The following SMO variants were observed in gnomAD, a reference collection of about 807,000 sequenced individuals.
SMO encodes smoothened, frizzled class receptor.
A neutral mutation model predicts 81.6 loss-of-function variants in SMO; 40 were observed. That is an observed-to-expected ratio of 0.49 (90% CI 0.38 to 0.64). The LOEUF (loss-of-function observed/expected upper bound fraction) is 0.64, where lower values mean the gene tolerates loss of function less well. SMO is among the 30% of genes least tolerant of loss of function. SMO has a pLI of 0.00. For synonymous variants in SMO, 434 were observed against 432.1 expected (o/e 1.00, Z -0.05); for missense variants, 916 against 1,061.1 (o/e 0.86, Z 1.90).
At position 129,203,611 on chromosome 7, in the gene SMO, G is replaced by T; in HGVS notation, c.537+22G>T. 3 of 1,579,088 alleles carry T rather than the reference G, an allele frequency of 1.9e-6. No individual in the cohort carries two copies. The East Asian group carries it at 6.8e-5, about 36-fold the overall frequency. ...CACGGTGAGTGCTCTGTGAGACAAG[G>T]TCCAGGCTCTCTGGGTTGGGCAGGA... On this transcript the variant is annotated intron_variant, in intron 2 of 11. Coordinates refer to ENST00000249373, the MANE Select transcript of SMO (RefSeq NM_005631.5).
chr7:129,201,513 A>G (rs1040759824), intron 1 of SMO, among the ~76,000 whole-genome samples: 1 of 152,136 alleles, frequency 6.6e-6, no homozygotes, highest in Non-Finnish European at 1.5e-5. Context: ...ACCAGCCACC[A>G]CATTGAATTC....
Position 129,213,435 on chromosome 7 carries a change from A to G in SMO, c.*984A>G, listed in dbSNP as rs1793913076. 4.3e-6 allele frequency: 1 copy of G among 232,896 alleles called. No individual in the cohort carries two copies. The highest frequency in any genetic ancestry group is 8.5e-6 in the Non-Finnish European group (1 of 117,690). The allele number at this position is 232,896 out of a possible 1,614,324, so 14.4% of individuals were successfully genotyped here. Reference sequence around the variant, plus strand: ...TTCCCACCTTCCATAGCCTCCAAACATGTTCCCAAGGCCCCACTTTCAAGA... The same window carrying G: ...TTCCCACCTTCCATAGCCTCCAAACGTGTTCCCAAGGCCCCACTTTCAAGA... On this transcript the variant is annotated 3_prime_UTR_variant, in exon 12 of 12. Coordinates refer to ENST00000249373, the MANE Select transcript of SMO (RefSeq NM_005631.5).
rs190378429 is a variant in SMO at position 129,210,183 on chromosome 7, G to C, written c.1467-180G>C. ...CCAGTAGACTCAGAAAACCCCACCTGTAGTCCCAGCTACTTGGGAGGCTGA... is the reference window on the plus strand; with the variant it reads ...CCAGTAGACTCAGAAAACCCCACCTCTAGTCCCAGCTACTTGGGAGGCTGA... On this transcript the variant is annotated intron_variant, in intron 8 of 11. Transcript: ENST00000249373. This position sits in a 1 kb window ranked among gnomAD's most constrained non-coding sequence, Gnocchi z 4.7. 3.5e-6 allele frequency: 2 copies of C among 574,960 alleles called. No individual in the cohort carries two copies. Among genetic ancestry groups the C allele is most frequent in the East Asian group, 2.9e-5 (1 of 34,116 alleles). 35.6% of individuals were successfully genotyped at this position (574,960 alleles called of 1,614,324 possible). A position where few individuals can be genotyped will look rare whatever the true frequency, so the allele number is the denominator to read the frequency against.
rs1793773206 is a variant in SMO, at chr7:129,206,765, C to T, written c.1264+178C>T. On this transcript the variant is annotated intron_variant, in intron 6 of 11. Coordinates refer to ENST00000249373, the MANE Select transcript of SMO (RefSeq NM_005631.5). This position sits in a 1 kb window ranked among gnomAD's most constrained non-coding sequence, Gnocchi z 4.4. ...GACGAAACACCGTGAGCACTTGCTG[C>T]GGGACAGCACCTTTGTACTGGCCAG... 1.3e-5 allele frequency among the ~76,000 whole-genome samples: 2 copies of T among 152,202 alleles called. No homozygotes were observed. The highest frequency in any genetic ancestry group is 1.3e-4 in the Admixed American group (2 of 15,276).
Position 129,211,239 on chromosome 7 carries a change from C to A in SMO, c.1801+126C>A. The A allele has an allele frequency of 9.9e-7, 1 of 1,005,490 alleles. No homozygotes were observed. The highest frequency in any genetic ancestry group is 1.5e-6 in the Non-Finnish European group (1 of 665,222). 62.3% of individuals were successfully genotyped at this position (1,005,490 alleles called of 1,614,324 possible). A position where few individuals can be genotyped will look rare whatever the true frequency, so the allele number is the denominator to read the frequency against. On this transcript the variant is annotated intron_variant, in intron 10 of 11. Transcript: ENST00000249373. The surrounding 1 kb of genome is among the most constrained non-coding windows in gnomAD (Gnocchi z 4.6). ...GACTGTGAGGAGCAAGGCGCTCCCT[C>A]CATCGCTCACACACCCATTCTTCCC...
intron 1 of SMO, among the ~76,000 whole-genome samples, chr7:129,198,048 A>G (rs1035775103): frequency 6.6e-6 from 1 of 152,124 alleles, no homozygotes; most frequent in Non-Finnish European, 1.5e-5. Flanking sequence ...TCTCTTTGGA[A>G]AGCTTCCCCA....
rs180929879 is a variant in SMO, at chr7:129,195,929, A to G, written c.331+6447A>G. Among the ~76,000 whole-genome samples the G allele has an allele frequency of 1.5e-3, 231 of 151,996 alleles. 4 individuals carry two copies. The East Asian group carries it at 0.031, about 21-fold the overall frequency. The stretch of plus-strand genomic sequence containing the variant: ...ATCCTGGCTAACACGGTGAAACCCC[A>G]TCTCTACTAAAAATACAAAAAATTA... On this transcript the variant is annotated intron_variant, in intron 1 of 11. Transcript: ENST00000249373.
At position 129,209,464 on chromosome 7, in the gene SMO, C is replaced by T. The variant is rs547532282; in HGVS notation, c.1466+67C>T. ...CCAAGGCCATAAAGACACCCACCTC[C>T]ACCCACCGGGCAGCAGGGATTTGCC... On this transcript the variant is annotated intron_variant, in intron 8 of 11. Coordinates refer to ENST00000249373, the MANE Select transcript of SMO (RefSeq NM_005631.5). 1.4e-4 allele frequency: 144 copies of T among 1,007,422 alleles called. 2 individuals are homozygous for T. The highest frequency in any genetic ancestry group is 1.8e-4 in the Non-Finnish European group (114 of 640,710). The allele number at this position is 1,007,422 out of a possible 1,614,324, so 62.4% of individuals were successfully genotyped here.
Position 129,212,582 on chromosome 7 carries a change from G to C in SMO, c.*131G>C, listed in dbSNP as rs1793895715. 2.6e-5 allele frequency: 22 copies of C among 833,404 alleles called. No individual in the cohort carries two copies. The highest frequency in any genetic ancestry group is 3.7e-5 in the Non-Finnish European group (20 of 542,586). 51.6% of individuals were successfully genotyped at this position (833,404 alleles called of 1,614,324 possible). On this transcript the variant is annotated 3_prime_UTR_variant, in exon 12 of 12. Coordinates refer to ENST00000249373, the MANE Select transcript of SMO (RefSeq NM_005631.5). This position sits in a 1 kb window ranked among gnomAD's most constrained non-coding sequence, Gnocchi z 5.0. ...GTGGGCTGACTGCCCTCCGAAGAGA[G>C]TTCTGGATGTCTGGCTCAAAGCAGC...
chr7:129,197,403 T>G (rs995259976), intron 1 of SMO, among the ~76,000 whole-genome samples: 3 of 152,226 alleles, frequency 2.0e-5, no homozygotes, highest in African/African-American at 7.2e-5. Flanking sequence ...CCAATTATTC[T>G]TTTGATCATA....
At chr7:129,197,498 G>C (rs1793603760) in intron 1 of SMO, among the ~76,000 whole-genome samples, 1 of 152,112 alleles carries the variant, frequency 6.6e-6, no homozygotes. Flanking sequence ...TGCGATCTCA[G>C]CTCACTGCAA....
rs554995017 is a variant in SMO, at chr7:129,191,601, G to T, written c.331+2119G>T. 3.3e-5 allele frequency among the ~76,000 whole-genome samples: 5 copies of T among 152,248 alleles called. No homozygotes were observed. In the South Asian group the frequency reaches 1.0e-3, roughly 32 times the overall value. Reference sequence around the variant, plus strand: ...AGTAGGTAGAGTGAACCCAAGCCTCGTGTGAGAATCACAGCCAGGTCAGCT... The same window carrying T: ...AGTAGGTAGAGTGAACCCAAGCCTCTTGTGAGAATCACAGCCAGGTCAGCT... On this transcript the variant is annotated intron_variant, in intron 1 of 11. Coordinates refer to ENST00000249373, the MANE Select transcript of SMO (RefSeq NM_005631.5).
chr7:129,203,676 C>T, intron 2 of SMO, 87 bp downstream of exon 2: 1 of 1,070,566 alleles, frequency 9.3e-7, no homozygotes, highest in East Asian at 2.6e-5. Context: ...CAGGGGAGCC[C>T]AGAGCTTTGT....
Position 129,209,344 on chromosome 7 carries a change from C to T in SMO, c.1413C>T (p.Phe471=), listed in dbSNP as rs761197793. ...GFVLITFSCH[F]YDFFNQAEWE... ...TGCTCATTACCTTCAGCTGCCACTT[C>T]TACGACTTCTTCAACCAGGCTGAGT... Residue 471 remains phenylalanine (F), a synonymous_variant, in exon 8 of 12, where the codon TTC becomes TTT. Coordinates refer to ENST00000249373, the MANE Select transcript of SMO (RefSeq NM_005631.5). 5.6e-6 allele frequency: 9 copies of T among 1,614,176 alleles called. No individual in the cohort carries two copies. The East Asian group carries it at 2.0e-4, about 36-fold the overall frequency.
Position 129,210,324 on chromosome 7 carries a change from G to A in SMO, c.1467-39G>A, listed in dbSNP as rs41274164. 6.4e-7 allele frequency: 1 copy of A among 1,554,948 alleles called. No individual in the cohort carries two copies. The highest frequency in any genetic ancestry group is 8.9e-7 in the Non-Finnish European group (1 of 1,127,816). On this transcript the variant is annotated intron_variant, in intron 8 of 11. Transcript: ENST00000249373. This position sits in a 1 kb window ranked among gnomAD's most constrained non-coding sequence, Gnocchi z 4.7. Reference sequence around the variant, plus strand: ...TATCTCAAAAAAAGAGAGAGGAAAAGAAAGGAAAGCCTCACCTGTCTACGT... The same window carrying A: ...TATCTCAAAAAAAGAGAGAGGAAAAAAAAGGAAAGCCTCACCTGTCTACGT...
At position 129,199,182 on chromosome 7, in the gene SMO, C is replaced by CTTTTTTCT. The variant is rs770285673; in HGVS notation, c.332-4196_332-4195insCTTTTTTT. On this transcript the variant is annotated intron_variant, in intron 1 of 11. Transcript: ENST00000249373. ...TCTTTATAGTACGGTATTTTCTTTT[C>CTTTTTTCT]TTTTTTTTTTTTTTTTTGAGATAGA... Among the ~76,000 whole-genome samples, 427 of 126,626 alleles carry CTTTTTTCT rather than the reference C, an allele frequency of 3.4e-3. 4 individuals are homozygous for CTTTTTTCT. Among genetic ancestry groups the CTTTTTTCT allele is most frequent in the African/African-American group, 0.012 (402 of 34,006 alleles). 83.1% of individuals were successfully genotyped at this position (126,626 alleles called of 152,430 possible). A position where few individuals can be genotyped will look rare whatever the true frequency, so the allele number is the denominator to read the frequency against.
rs1472793501 is a variant in SMO, at chr7:129,210,570, TCCTGC to T, written c.1652+30_1652+34del. 2 of 1,587,038 alleles carry T rather than the reference TCCTGC, an allele frequency of 1.3e-6. No individual in the cohort carries two copies. Among genetic ancestry groups the T allele is most frequent in the East Asian group, 2.2e-5 (1 of 44,720 alleles). On this transcript the variant is annotated intron_variant, in intron 9 of 11. Transcript: ENST00000249373. This position sits in a 1 kb window ranked among gnomAD's most constrained non-coding sequence, Gnocchi z 4.7. The stretch of plus-strand genomic sequence containing the variant: ...GCAGGTGGGCATGGCAGCCAGCCCC[TCCTGC>T]CCTGCCCGCCTCACCCTCAGCCTTG...
At chr7:129,207,445 G>A (rs1793791981) in intron 6 of SMO, among the ~76,000 whole-genome samples, 1 of 152,102 alleles carries the variant, frequency 6.6e-6, no homozygotes, top group South Asian at 2.1e-4. Context: ...GCTCATTGTT[G>A]TTGGGTTTTC....
chr7:129,211,749 G>A lies in SMO; in HGVS notation c.1915G>A (p.Val639Ile), dbSNP rs1793873209. 1.2e-6 allele frequency: 2 copies of A among 1,613,934 alleles called. No individual in the cohort carries two copies. The highest frequency in any genetic ancestry group is 2.7e-5 in the African/African-American group (2 of 74,884). ...AGCCATACTGCCCCAGGATATTTCTGTCACCCCTGTGGCAACTCCAGGTAT... is the reference window on the plus strand; with the variant it reads ...AGCCATACTGCCCCAGGATATTTCTATCACCCCTGTGGCAACTCCAGGTAT... Reference protein sequence around the residue: ...RGAILPQDISVTPVATPVPPE... With the variant: ...RGAILPQDISITPVATPVPPE... Residue 639 changes from valine to isoleucine, a missense_variant, in exon 11 of 12, where the codon GTC becomes ATC. Val to Ile is a conservative substitution (Grantham distance 29, BLOSUM62 3). Coordinates refer to ENST00000249373, the MANE Select transcript of SMO (RefSeq NM_005631.5). The surrounding 1 kb of genome is among the most constrained non-coding windows in gnomAD (Gnocchi z 4.6).
Sources: gnomAD v4.1 joint callset for allele counts (sites outside exome capture counted in the v4.1 genomes callset) on GRCh38, gnomAD v4.1.1 for gene constraint, Gnocchi (gnomAD v3.1) non-coding constraint, MANE v1.5 for transcripts, NCBI Gene and HGNC (gene_info 2026-07-23, HGNC 2026-07-21) for gene names.